ATP11A: variants seen among roughly 807,000 people sequenced by gnomAD.
The protein encoded by ATP11A is ATPase phospholipid transporting 11A.
In ATP11A, 81 loss-of-function variants were observed where a neutral mutation model predicts 154.4. That is an observed-to-expected ratio of 0.52 (90% CI 0.44 to 0.63). ATP11A has a LOEUF of 0.63. ATP11A is among the 30% of genes least tolerant of loss of function. ATP11A has a pLI of 0.00. For missense variants in ATP11A, 1,316 were observed against 1,474.3 expected (o/e 0.89, Z 1.76); for synonymous variants, 623 against 585.9 (o/e 1.06, Z -0.91).
chr13:112,790,202 C>T lies in ATP11A; in HGVS notation c.162+4945C>T, dbSNP rs384220. On this transcript the variant is annotated intron_variant, in intron 2 of 29. Transcript: ENST00000375645. The stretch of plus-strand genomic sequence containing the variant: ...CTCCTATGTAGACCTATTTAATTCA[C>T]ACCAGGAGTCCTGATATGTAGATCC... 3.0e-3 allele frequency among the ~76,000 whole-genome samples: 444 copies of T among 150,040 alleles called. 4 individuals are homozygous for T. Among genetic ancestry groups the T allele is most frequent in the African/African-American group, 0.01 (431 of 41,184 alleles).
chr13:112,808,945 T>C (rs2078407697), intron 4 of ATP11A, among the ~76,000 whole-genome samples: 1 of 152,198 alleles, frequency 6.6e-6, no homozygotes, highest in Non-Finnish European at 1.5e-5. Flanking sequence ...CCGCTGGGCA[T>C]TCCTGGGCAC....
At chr13:112,779,245 A>T (rs541432727) in intron 1 of ATP11A, among the ~76,000 whole-genome samples, 1 of 134,458 alleles carries the variant, frequency 7.4e-6, no homozygotes, top group South Asian at 2.5e-4. Context: ...CCACTGGAGT[A>T]GCCGCTGGAG....
intron 1 of ATP11A, among the ~76,000 whole-genome samples, chr13:112,728,080 T>A (rs1890069414): frequency 6.6e-6 from 1 of 152,190 alleles, no homozygotes; most frequent in Admixed American, 6.5e-5. Flanking sequence ...TATGGGGCCT[T>A]GAGGTCTGTG....
In ATP11A at chr13:112,805,849, C is replaced by T. The variant is rs528374401; in HGVS notation, c.253-364C>T. ...AGCACTCTAATTTTTCTAAATCATA[C>T]AAAATGCTACTGAAGGACTTTAAAA... On this transcript the variant is annotated intron_variant, in intron 3 of 29. Coordinates refer to ENST00000375645, the MANE Select transcript of ATP11A (RefSeq NM_015205.3). 2.6e-5 allele frequency among the ~76,000 whole-genome samples: 4 copies of T among 152,094 alleles called. No individual in the cohort carries two copies. The East Asian group carries it at 7.7e-4, about 29-fold the overall frequency.
chr13:112,711,777 C>A (rs1354061228), intron 1 of ATP11A, among the ~76,000 whole-genome samples: 1 of 152,182 alleles, frequency 6.6e-6, no homozygotes, highest in East Asian at 1.9e-4. Context: ...GGGAAACAGC[C>A]CGGATGTGTG....
intron 1 of ATP11A, among the ~76,000 whole-genome samples, chr13:112,765,151 T>TCCCCCCCC (rs5806961): frequency 8.1e-6 from 1 of 123,786 alleles, no homozygotes; most frequent in Admixed American, 7.9e-5. Flanking sequence ...TTGCCCCCCC[T>TCCCCCCCC]CCCCCCCGCC....
chr13:112,837,152 C>A (rs1190582547), intron 16 of ATP11A, among the ~76,000 whole-genome samples: 1 of 152,206 alleles, frequency 6.6e-6, no homozygotes, highest in Non-Finnish European at 1.5e-5. Context: ...AGAGGCCACC[C>A]CTTTGCATGG....
At chr13:112,702,235 A>G (rs1322210139) in intron 1 of ATP11A, among the ~76,000 whole-genome samples, 1 of 150,520 alleles carries the variant, frequency 6.6e-6, no homozygotes, top group Non-Finnish European at 1.5e-5. Flanking sequence ...AATCCCACCT[A>G]CTCGGGAGGC....
chr13:112,870,053 G>T (rs2080464032), intron 25 of ATP11A, among the ~76,000 whole-genome samples: 1 of 152,132 alleles, frequency 6.6e-6, no homozygotes, highest in South Asian at 2.1e-4. Flanking sequence ...GGGCAAGGCT[G>T]CCCCAGCCGA....
At position 112,831,563 on chromosome 13, in the gene ATP11A, C is replaced by T; in HGVS notation, c.1395+15C>T. The T allele has an allele frequency of 6.2e-7, 1 of 1,611,832 alleles. No individual in the cohort carries two copies. Among genetic ancestry groups the T allele is most frequent in the Non-Finnish European group, 8.5e-7 (1 of 1,178,548 alleles). ...TCAACGGGAGGGTAGGTGGCAGCCC[C>T]CACGCCGTCCAAGTGTGTGAGTGAG... On this transcript the variant is annotated intron_variant, in intron 13 of 29. Coordinates refer to ENST00000375645, the MANE Select transcript of ATP11A (RefSeq NM_015205.3).
Position 112,690,245 on chromosome 13 carries a change from G to T in ATP11A, c.-172G>T, listed in dbSNP as rs1359489177. On this transcript the variant is annotated 5_prime_UTR_variant, in exon 1 of 30. Transcript: ENST00000375645. This position sits in a 1 kb window ranked among gnomAD's most constrained non-coding sequence, Gnocchi z 5.6. ...CGGGGCCGCGGACCCAGCATTCGCC[G>T]GCCGGGCCGGGCATGAGCGCGGAGG... 1.8e-5 allele frequency: 4 copies of T among 217,536 alleles called. No individual in the cohort carries two copies. Among genetic ancestry groups the T allele is most frequent in the African/African-American group, 9.5e-5 (4 of 42,250 alleles). The allele number at this position is 217,536 out of a possible 1,614,324, so 13.5% of individuals were successfully genotyped here. A position where few individuals can be genotyped will look rare whatever the true frequency, so the allele number is the denominator to read the frequency against.
At chr13:112,863,148 C>A (rs1249334569) in intron 25 of ATP11A, among the ~76,000 whole-genome samples, 2 of 147,242 alleles carry the variant, frequency 1.4e-5, no homozygotes, top group Non-Finnish European at 3.0e-5. Context: ...CACAGTAATT[C>A]AGTGCAGCCC....
intron 26 of ATP11A, among the ~76,000 whole-genome samples, chr13:112,872,869 C>CTTTGTCTTCCTGAGCGGTGTGAGG (rs1566600981): frequency 9.8e-5 from 3 of 30,666 alleles, no homozygotes; most frequent in African/African-American, 2.3e-4. Flanking sequence ...GCAGTGTGAG[C>CTTTGTCTTCCTGAGCGGTGTGAGG]TGTGGCTTTG....
At chr13:112,728,538 CTG>C (rs1207873827) in intron 1 of ATP11A, among the ~76,000 whole-genome samples, 8 of 141,574 alleles carry the variant, frequency 5.7e-5, no homozygotes, top group South Asian at 2.3e-4. Flanking sequence ...GGCCGTGAGA[CTG>C]TGTGGCCCGC....
intron 13 of ATP11A, among the ~76,000 whole-genome samples, chr13:112,831,809 G>A (rs1373100146): frequency 4.0e-5 from 6 of 151,764 alleles, no homozygotes; most frequent in African/African-American, 1.2e-4. Flanking sequence ...ATGTGCACAC[G>A]GACACACATG....
At chr13:112,853,887 C>A (rs1301260624) in intron 18 of ATP11A, among the ~76,000 whole-genome samples, 3 of 152,196 alleles carry the variant, frequency 2.0e-5, no homozygotes, top group Non-Finnish European at 4.4e-5. Flanking sequence ...TTCCTGACCA[C>A]CTTGAGTCCA....
At chr13:112,714,489 C>A (rs1042218692) in intron 1 of ATP11A, among the ~76,000 whole-genome samples, 6 of 152,110 alleles carry the variant, frequency 3.9e-5, no homozygotes, top group African/African-American at 1.5e-4. Flanking sequence ...CTCCCCGAAC[C>A]CTGCCCAGCT....
chr13:112,882,169 G>T lies in ATP11A; in HGVS notation c.*303G>T. 7.8e-7 allele frequency: 1 copy of T among 1,279,890 alleles called. No individual in the cohort carries two copies. The highest frequency in any genetic ancestry group is 1.3e-5 in the South Asian group (1 of 78,086). 79.3% of individuals were successfully genotyped at this position (1,279,890 alleles called of 1,614,324 possible). ...TGCCCTCGAGCATGGCACCCTGGCC[G>T]CCTGGACCCAGCACTGTGGTTGTTG... On this transcript the variant is annotated 3_prime_UTR_variant, in exon 30 of 30. Transcript: ENST00000375645. The surrounding 1 kb of genome is among the most constrained non-coding windows in gnomAD (Gnocchi z 5.1).
chr13:112,731,227 C>T (rs1167466782), intron 1 of ATP11A, among the ~76,000 whole-genome samples: 3 of 152,178 alleles, frequency 2.0e-5, no homozygotes, highest in African/African-American at 7.2e-5. Context: ...CCTTAGCCTC[C>T]CAAAGTGCTG....
Sources: gnomAD v4.1 joint callset for allele counts (sites outside exome capture counted in the v4.1 genomes callset) on GRCh38, gnomAD v4.1.1 for gene constraint, Gnocchi (gnomAD v3.1) non-coding constraint, MANE v1.5 for transcripts, NCBI Gene and HGNC (gene_info 2026-07-23, HGNC 2026-07-21) for gene names.